NAA60: variants seen among roughly 807,000 people sequenced by gnomAD.
NAA60 encodes N-alpha-acetyltransferase 60.
In NAA60, 8 loss-of-function variants were observed where a neutral mutation model predicts 26.1. The observed-to-expected ratio is 0.31, with a 90% CI of 0.18 to 0.55. The LOEUF (loss-of-function observed/expected upper bound fraction) is 0.55. Among genes scored for constraint, NAA60 ranks in the 20% least tolerant of loss-of-function variants. The pLI is 0.93. For synonymous variants in NAA60, 131 were observed against 122.5 expected (o/e 1.07, Z -0.46); for missense variants, 290 against 311.3 (o/e 0.93, Z 0.51).
chr16:3,455,290 G>A (rs928506004), intron 2 of NAA60, among the ~76,000 whole-genome samples: 12 of 151,818 alleles, frequency 7.9e-5, no homozygotes, highest in African/African-American at 2.9e-4. Context: ...TGCTGGTCTC[G>A]AACCTCTTGA....
chr16:3,478,470 G>A (rs142001428), intron 3 of NAA60, among the ~76,000 whole-genome samples: 3 of 152,260 alleles, frequency 2.0e-5, no homozygotes, highest in East Asian at 1.9e-4. Context: ...ACATGAACCG[G>A]GCTGTGAGGC....
chr16:3,471,859 G>A (rs1003872224), intron 2 of NAA60, among the ~76,000 whole-genome samples: 2 of 152,178 alleles, frequency 1.3e-5, no homozygotes, highest in Non-Finnish European at 2.9e-5. Flanking sequence ...GGAGGAGGCC[G>A]TGTGCTGGGG....
At chr16:3,458,558 C>T (rs2150959421) in intron 2 of NAA60, among the ~76,000 whole-genome samples, 2 of 152,274 alleles carry the variant, frequency 1.3e-5, no homozygotes, top group South Asian at 4.1e-4. Context: ...AGGTGAAGGG[C>T]CAGGCCATTT....
intron 2 of NAA60, among the ~76,000 whole-genome samples, chr16:3,463,370 A>G (rs1221375679): frequency 3.3e-5 from 5 of 150,660 alleles, no homozygotes; most frequent in Non-Finnish European, 7.4e-5. Flanking sequence ...CAACATGGTG[A>G]AACCCCGTCT....
At chr16:3,469,733 C>T (rs553977753) in intron 2 of NAA60, among the ~76,000 whole-genome samples, 28 of 152,376 alleles carry the variant, frequency 1.8e-4, no homozygotes, top group African/African-American at 6.7e-4. Flanking sequence ...TCCCTGTGTC[C>T]TCCGGGTGGC....
chr16:3,479,263 A>G (rs1270576168), intron 3 of NAA60, among the ~76,000 whole-genome samples: 1 of 152,146 alleles, frequency 6.6e-6, no homozygotes, highest in Non-Finnish European at 1.5e-5. Flanking sequence ...TTCCCATCAG[A>G]GATCCCCAGT....
chr16:3,452,776 G>C (rs2034836071), intron 2 of NAA60, among the ~76,000 whole-genome samples: 1 of 151,776 alleles, frequency 6.6e-6, no homozygotes, highest in African/African-American at 2.4e-5. Context: ...GCAACATAGT[G>C]AGACTCTGTC....
rs1290964971 is a variant in NAA60, at chr16:3,443,732, G to A, written c.-182G>A. The A allele has an allele frequency of 5.4e-6, 8 of 1,492,726 alleles. No homozygotes were observed. Among genetic ancestry groups the A allele is most frequent in the Non-Finnish European group, 7.1e-6 (8 of 1,124,494 alleles). The allele number at this position is 1,492,726 out of a possible 1,614,324, so 92.5% of individuals were successfully genotyped here. A position where few individuals can be genotyped will look rare whatever the true frequency, so the allele number is the denominator to read the frequency against. ...TGAGCTCCGGGCCTGTTTGCCTGCTGAAGTAGAGTCTTAGGGTGACCCCAG... is the reference window on the plus strand; with the variant it reads ...TGAGCTCCGGGCCTGTTTGCCTGCTAAAGTAGAGTCTTAGGGTGACCCCAG... On this transcript the variant is annotated 5_prime_UTR_variant, in exon 1 of 8. Coordinates refer to ENST00000407558, the MANE Select transcript of NAA60 (RefSeq NM_001083601.3).
chr16:3,478,781 G>T (rs1247070979), intron 3 of NAA60, among the ~76,000 whole-genome samples: 1 of 152,040 alleles, frequency 6.6e-6, no homozygotes, highest in Non-Finnish European at 1.5e-5. Flanking sequence ...CACTCCCCTA[G>T]TCTTCAGTGT....
At position 3,485,871 on chromosome 16, in the gene NAA60, T is replaced by A; in HGVS notation, c.*611T>A. On this transcript the variant is annotated 3_prime_UTR_variant, in exon 8 of 8. Transcript: ENST00000407558. Reference sequence around the variant, plus strand: ...GGCTTTCCTCGCAAGCACAGAGCTCTGAGGCTCAGCCCCCTGGCACAGGCG... The same window carrying A: ...GGCTTTCCTCGCAAGCACAGAGCTCAGAGGCTCAGCCCCCTGGCACAGGCG... 1 of 357,130 alleles carries A rather than the reference T, an allele frequency of 2.8e-6. No individual in the cohort carries two copies. The highest frequency in any genetic ancestry group is 2.1e-5 in the South Asian group (1 of 48,298). The allele number at this position is 357,130 out of a possible 1,614,324, so 22.1% of individuals were successfully genotyped here.
chr16:3,443,617 G>A, upstream of NAA60: 4 of 832,260 alleles, frequency 4.8e-6, no homozygotes, highest in South Asian at 2.2e-5. Context: ...CCTTAACCGA[G>A]GACCTGTAGC....
chr16:3,466,362 G>C (rs1405650016), intron 2 of NAA60, among the ~76,000 whole-genome samples: 1 of 152,194 alleles, frequency 6.6e-6, no homozygotes, highest in Non-Finnish European at 1.5e-5. Context: ...TCATTTTTCT[G>C]CTGCTCTGAC....
chr16:3,470,448 A>G (rs965684340), intron 2 of NAA60, among the ~76,000 whole-genome samples: 23 of 152,204 alleles, frequency 1.5e-4, no homozygotes, highest in Admixed American at 8.5e-4. Context: ...CAGAAGTGAA[A>G]TGACCCAGGG....
At chr16:3,457,359 T>G (rs1320022996) in intron 2 of NAA60, among the ~76,000 whole-genome samples, 1 of 152,178 alleles carries the variant, frequency 6.6e-6, no homozygotes, top group South Asian at 2.1e-4. Flanking sequence ...TCTCGGCTAC[T>G]TGGGAGACTG....
chr16:3,468,549 G>A (rs1175219278), intron 2 of NAA60, among the ~76,000 whole-genome samples: 3 of 152,186 alleles, frequency 2.0e-5, no homozygotes, highest in Admixed American at 6.5e-5. Context: ...CCATGTAAAA[G>A]AAATATGAGG....
intron 2 of NAA60, among the ~76,000 whole-genome samples, chr16:3,459,314 T>C (rs2035219656): frequency 6.6e-6 from 1 of 152,128 alleles, no homozygotes; most frequent in South Asian, 2.1e-4. Flanking sequence ...GATGTAGAAA[T>C]TCTATGATAT....
Position 3,485,505 on chromosome 16 carries a change from C to G in NAA60, c.*245C>G, listed in dbSNP as rs73489662. 2.1e-3 allele frequency: 953 copies of G among 456,392 alleles called. 8 individuals are homozygous for G. The highest frequency in any genetic ancestry group is 0.017 in the African/African-American group (855 of 50,218). 28.3% of individuals were successfully genotyped at this position (456,392 alleles called of 1,614,324 possible). On this transcript the variant is annotated 3_prime_UTR_variant, in exon 8 of 8. Transcript: ENST00000407558. Reference sequence around the variant, plus strand: ...CCTCCCTGCTTCTGGAAACCTCTGCCTGCTGCCCTGGCCCTGCCCCCCTGC... The same window carrying G: ...CCTCCCTGCTTCTGGAAACCTCTGCGTGCTGCCCTGGCCCTGCCCCCCTGC...
intron 2 of NAA60, among the ~76,000 whole-genome samples, chr16:3,462,050 G>A (rs2035433600): frequency 7.2e-6 from 1 of 138,058 alleles, no homozygotes; most frequent in Non-Finnish European, 1.5e-5. Flanking sequence ...TGGTGCCACT[G>A]CATTCCAGCC....
At chr16:3,483,854 A>C in intron 6 of NAA60, 1 of 501,586 alleles carries the variant, frequency 2.0e-6, no homozygotes, top group South Asian at 2.5e-5. Context: ...CAGCCTCCCA[A>C]ATTACTGGGA....
Sources: gnomAD v4.1 joint callset for allele counts (sites outside exome capture counted in the v4.1 genomes callset) on GRCh38, gnomAD v4.1.1 for gene constraint, MANE v1.5 for transcripts, NCBI Gene and HGNC (gene_info 2026-07-23, HGNC 2026-07-21) for gene names.